Variants in GLCE observed in about 807,000 individuals in gnomAD.
GLCE encodes glucuronic acid epimerase, also known as D-glucuronyl C5-epimerase.
In GLCE, 19 loss-of-function variants were observed where a neutral mutation model predicts 47.9. The ratio of observed to expected loss-of-function variants is 0.40; its 90% confidence interval spans 0.28 to 0.58. The LOEUF (loss-of-function observed/expected upper bound fraction) is 0.58. GLCE is among the 20% of genes least tolerant of loss of function. The pLI, the probability that GLCE is intolerant of heterozygous loss-of-function variation, is 0.48. For missense variants in GLCE, 556 were observed against 743.3 expected (o/e 0.75, Z 2.93); for synonymous variants, 245 against 263.4 (o/e 0.93, Z 0.68).
At chr15:69,162,904 T>A (rs954496404) in intron 1 of GLCE, among the ~76,000 whole-genome samples, 5 of 152,208 alleles carry the variant, frequency 3.3e-5, no homozygotes, top group Non-Finnish European at 5.9e-5. Flanking sequence ...ACAATTTTTT[T>A]TAAAAGATGT....
intron 1 of GLCE, among the ~76,000 whole-genome samples, chr15:69,162,367 T>G (rs2051438284): frequency 6.6e-6 from 1 of 152,078 alleles, no homozygotes; most frequent in African/African-American, 2.4e-5. Context: ...TGCCTGACAT[T>G]TCTTTTGGTT....
Position 69,272,205 on chromosome 15 carries a change from G to T in GLCE, c.*2961G>T, listed in dbSNP as rs1261604425. 6.6e-6 allele frequency: 1 copy of T among 152,548 alleles called. No individual in the cohort carries two copies. The highest frequency in any genetic ancestry group is 1.5e-5 in the Non-Finnish European group (1 of 68,006). 9.4% of individuals were successfully genotyped at this position (152,548 alleles called of 1,614,324 possible). A position where few individuals can be genotyped will look rare whatever the true frequency, so the allele number is the denominator to read the frequency against. On this transcript the variant is annotated 3_prime_UTR_variant, in exon 5 of 5. Transcript: ENST00000261858. Reference sequence around the variant, plus strand: ...TAAAATAAAGTTTTTTTCTTAAAAAGAATATACCTGGATATTTCTCTTTCT... The same window carrying T: ...TAAAATAAAGTTTTTTTCTTAAAAATAATATACCTGGATATTTCTCTTTCT...
At chr15:69,248,292 A>G (rs1243099847) in intron 2 of GLCE, among the ~76,000 whole-genome samples, 1 of 152,226 alleles carries the variant, frequency 6.6e-6, no homozygotes, top group African/African-American at 2.4e-5. Context: ...ATCTTGGTCT[A>G]TTAAGCAGTA....
chr15:69,251,131 A>G (rs1027425986), intron 2 of GLCE, among the ~76,000 whole-genome samples: 1 of 152,176 alleles, frequency 6.6e-6, no homozygotes, highest in African/African-American at 2.4e-5. Context: ...CTCACCTTCT[A>G]GAAGTGTCTG....
intron 1 of GLCE, among the ~76,000 whole-genome samples, chr15:69,190,062 G>T (rs571956906): frequency 1.3e-5 from 2 of 151,900 alleles, no homozygotes; most frequent in Non-Finnish European, 2.9e-5. Context: ...ACATTCAGAA[G>T]TATATTGTTT....
At chr15:69,245,016 A>C (rs1044877039) in intron 2 of GLCE, among the ~76,000 whole-genome samples, 2 of 152,204 alleles carry the variant, frequency 1.3e-5, no homozygotes, top group African/African-American at 2.4e-5. Context: ...TGTTAAGTGT[A>C]GAATAGCATT....
At chr15:69,180,496 A>G (rs1175672396) in intron 1 of GLCE, among the ~76,000 whole-genome samples, 4 of 152,244 alleles carry the variant, frequency 2.6e-5, no homozygotes, top group African/African-American at 7.2e-5. Flanking sequence ...ACACTTCTCT[A>G]AAGGATGGCC....
At chr15:69,215,786 C>G (rs765824260) in intron 2 of GLCE, among the ~76,000 whole-genome samples, 5 of 152,066 alleles carry the variant, frequency 3.3e-5, no homozygotes, top group Non-Finnish European at 7.4e-5. Context: ...TGCCTTTTAT[C>G]TGTTCTAATG....
At chr15:69,225,092 C>T (rs143939226) in intron 2 of GLCE, among the ~76,000 whole-genome samples, 11 of 152,024 alleles carry the variant, frequency 7.2e-5, no homozygotes, top group African/African-American at 2.7e-4. Context: ...GCTACATATA[C>T]CCATAGTGAT....
chr15:69,267,741 A>AC (rs2053105534), intron 4 of GLCE, among the ~76,000 whole-genome samples: 3 of 152,200 alleles, frequency 2.0e-5, no homozygotes. Context: ...AAGCCCTTAG[A>AC]ACATAGTAAG....
At chr15:69,210,274 G>A (rs2052213229) in intron 1 of GLCE, 42 bp from the exon 2 acceptor site, 1 of 152,080 alleles carries the variant, frequency 6.6e-6, no homozygotes, top group Non-Finnish European at 1.5e-5. Flanking sequence ...ATCTTATCTG[G>A]AACTGGAAGC....
chr15:69,256,360 G>T lies in GLCE; in HGVS notation c.554G>T (p.Arg185Leu), dbSNP rs747317685. Reference protein sequence around the residue: ...MSFEGYNVEVRDRVKCISGVE... With the variant: ...MSFEGYNVEVLDRVKCISGVE... ...TTTGAAGGCTACAATGTGGAAGTCC[G>T]AGACAGAGTCAAGTGCATAAGTGGG... The change falls in exon 3 of 5, where the codon CGA becomes CTA. Residue 185 changes from arginine to leucine, a missense_variant. Physicochemically the swap from Arg to Leu is moderately radical, Grantham distance 102. Coordinates refer to ENST00000261858, the MANE Select transcript of GLCE (RefSeq NM_015554.3). The T allele has an allele frequency of 6.2e-7, 1 of 1,612,830 alleles. No homozygotes were observed. The highest frequency in any genetic ancestry group is 1.3e-5 in the African/African-American group (1 of 74,890).
intron 1 of GLCE, among the ~76,000 whole-genome samples, chr15:69,203,577 C>T (rs1437016663): frequency 1.3e-5 from 2 of 152,072 alleles, no homozygotes; most frequent in East Asian, 1.9e-4. Flanking sequence ...AGCTACTGCA[C>T]ACACATGGCT....
intron 1 of GLCE, chr15:69,197,259 C>A: frequency 2.7e-6 from 1 of 376,844 alleles, no homozygotes; most frequent in Non-Finnish European, 5.3e-6. Context: ...CAACTGACTA[C>A]CACTTCTTCA....
intron 3 of GLCE, among the ~76,000 whole-genome samples, chr15:69,259,766 A>G (rs2052985585): frequency 1.3e-5 from 2 of 152,220 alleles, no homozygotes; most frequent in African/African-American, 2.4e-5. Context: ...TTATTAATTG[A>G]TAATAATTCT....
chr15:69,224,559 G>C (rs983599196), intron 2 of GLCE, among the ~76,000 whole-genome samples: 6 of 152,204 alleles, frequency 3.9e-5, no homozygotes, highest in African/African-American at 1.4e-4. Flanking sequence ...ATGGCTGGCA[G>C]CCTCTTTGAC....
chr15:69,174,941 A>G (rs2051641340), intron 1 of GLCE, among the ~76,000 whole-genome samples: 1 of 152,048 alleles, frequency 6.6e-6, no homozygotes, highest in African/African-American at 2.4e-5. Flanking sequence ...ACTATATCCT[A>G]TACTGTTACT....
At chr15:69,168,842 G>GT (rs1300408669) in intron 1 of GLCE, among the ~76,000 whole-genome samples, 6 of 152,084 alleles carry the variant, frequency 3.9e-5, no homozygotes, top group African/African-American at 1.4e-4. Flanking sequence ...CATCCATTCT[G>GT]TTTTTTAAAA....
At chr15:69,258,280 G>C (rs903073397) in intron 3 of GLCE, among the ~76,000 whole-genome samples, 22 of 151,846 alleles carry the variant, frequency 1.4e-4, no homozygotes, top group African/African-American at 2.4e-5. Context: ...GGTTTGCTAA[G>C]GATAATGGCC....
Sources: allele counts gnomAD v4.1 joint callset (sites outside exome capture counted in the v4.1 genomes callset), GRCh38; gene constraint gnomAD v4.1.1; transcripts MANE v1.5; gene names NCBI Gene and HGNC (gene_info 2026-07-23, HGNC 2026-07-21).